Variants in FAM81A observed in about 807,000 individuals in gnomAD.
FAM81A encodes family with sequence similarity 81 member A, also known as protein FAM81A.
Under a neutral mutation model 46.7 loss-of-function variants are expected in FAM81A, and 19 were observed. That is an observed-to-expected ratio of 0.41 (90% CI 0.28 to 0.60). FAM81A has a LOEUF of 0.60. FAM81A is among the 20% of genes least tolerant of loss of function. FAM81A has a pLI of 0.34. For synonymous variants in FAM81A, 183 were observed against 152.9 expected (o/e 1.20, Z -1.45); for missense variants, 377 against 453.5 (o/e 0.83, Z 1.53).
intron 2 of FAM81A, among the ~76,000 whole-genome samples, chr15:59,427,607 G>T (rs1305150515): frequency 6.6e-6 from 1 of 152,026 alleles, no homozygotes; most frequent in African/African-American, 2.4e-5. Context: ...ATCTCCATGA[G>T]TTCAATTGTT....
At chr15:59,401,843 GC>G (rs1332967051) in intron 1 of FAM81A, 17 of 744,068 alleles carry the variant, frequency 2.3e-5, no homozygotes, top group Admixed American at 1.8e-4. Flanking sequence ...TCTCAGCATG[GC>G]CCTGTTTATG....
At chr15:59,448,472 C>G (rs1459711922) in intron 1 of FAM81A, among the ~76,000 whole-genome samples, 2 of 152,020 alleles carry the variant, frequency 1.3e-5, no homozygotes, top group African/African-American at 4.8e-5. Context: ...GGCTTCCAGG[C>G]CCTGGTTGTA....
intron 2 of FAM81A, among the ~76,000 whole-genome samples, chr15:59,420,247 A>G (rs1213449334): frequency 6.6e-6 from 1 of 152,246 alleles, no homozygotes; most frequent in Non-Finnish European, 1.5e-5. Context: ...GGCAATCCCC[A>G]TTATACCCTG....
upstream of FAM81A, among the ~76,000 whole-genome samples, chr15:59,438,008 G>A (rs1257117784): frequency 6.6e-6 from 1 of 151,206 alleles, no homozygotes; most frequent in Admixed American, 6.6e-5. Flanking sequence ...GCGGGTGCGC[G>A]GGGAAAGCCT....
chr15:59,504,497 A>G (rs1394137417), intron 4 of FAM81A, among the ~76,000 whole-genome samples: 1 of 152,230 alleles, frequency 6.6e-6, no homozygotes, highest in African/African-American at 2.4e-5. Flanking sequence ...GTAAGAGTCT[A>G]TAAGAAAGTT....
At chr15:59,501,429 A>G (rs1459223922) in intron 4 of FAM81A, among the ~76,000 whole-genome samples, 4 of 152,188 alleles carry the variant, frequency 2.6e-5, no homozygotes, top group Non-Finnish European at 5.9e-5. Flanking sequence ...TGATGGTACT[A>G]TAATTAAATA....
At chr15:59,485,910 G>A (rs1333959822) in intron 3 of FAM81A, among the ~76,000 whole-genome samples, 2 of 152,054 alleles carry the variant, frequency 1.3e-5, no homozygotes, top group Admixed American at 6.6e-5. Flanking sequence ...CAGGTGCAGC[G>A]GCTCATGCCT....
rs2082245658 is a variant in FAM81A, at chr15:59,514,391, T to C, written c.753T>C (p.Ile251=). The C allele has an allele frequency of 1.2e-6, 2 of 1,613,538 alleles. No individual in the cohort carries two copies. The highest frequency in any genetic ancestry group is 3.3e-5 in the Admixed American group (2 of 59,896). Residue 251 remains isoleucine (I), a synonymous_variant, in exon 7 of 9, where the codon ATT becomes ATC. Coordinates refer to ENST00000288228, the MANE Select transcript of FAM81A (RefSeq NM_152450.3). ...TAGAAAAAGAGCTTTTACAGAAAATTGATCAGCTTTCCTTGATTGTTAAGG... is the reference window on the plus strand; with the variant it reads ...TAGAAAAAGAGCTTTTACAGAAAATCGATCAGCTTTCCTTGATTGTTAAGG... ...ERIEKELLQK[I]DQLSLIVKEN...
At chr15:59,502,020 TA>T (rs1490944329) in intron 4 of FAM81A, among the ~76,000 whole-genome samples, 2 of 151,890 alleles carry the variant, frequency 1.3e-5, no homozygotes, top group African/African-American at 4.8e-5. Flanking sequence ...TATTTTGAAA[TA>T]ATTTTAAATT....
chr15:59,482,035 C>G (rs2081859057), intron 3 of FAM81A, among the ~76,000 whole-genome samples: 1 of 152,100 alleles, frequency 6.6e-6, no homozygotes, highest in Admixed American at 6.5e-5. Context: ...TCTGCTCCCA[C>G]ACATGCGCAG....
intron 3 of FAM81A, among the ~76,000 whole-genome samples, chr15:59,480,301 A>G (rs2081833457): frequency 6.6e-6 from 1 of 152,178 alleles, no homozygotes; most frequent in Admixed American, 6.5e-5. Context: ...TTCCCAATCT[A>G]GGAAGAGTTG....
chr15:59,416,824 T>G (rs551679262), intron 2 of FAM81A, among the ~76,000 whole-genome samples: 2 of 152,338 alleles, frequency 1.3e-5, no homozygotes, highest in South Asian at 4.1e-4. Flanking sequence ...GCTGGAACCA[T>G]TCTATTTTCA....
At chr15:59,433,916 C>T (rs1006194640), upstream of FAM81A, among the ~76,000 whole-genome samples, 45 of 152,146 alleles carry the variant, frequency 3.0e-4, 1 homozygote, top group African/African-American at 8.0e-4. Context: ...AGTACAGTGG[C>T]GCGATCTAGG....
chr15:59,414,697 C>T (rs753361595), intron 2 of FAM81A, among the ~76,000 whole-genome samples: 8 of 152,106 alleles, frequency 5.3e-5, no homozygotes, highest in African/African-American at 7.2e-5. Flanking sequence ...TAAGAGAAAG[C>T]CTCCCCTTGC....
chr15:59,490,763 G>A, intron 3 of FAM81A, among the ~76,000 whole-genome samples: 1 of 152,194 alleles, frequency 6.6e-6, no homozygotes, highest in Non-Finnish European at 1.5e-5. Flanking sequence ...TTGAATCCAG[G>A]AGGTGGAGGT....
intron 1 of FAM81A, among the ~76,000 whole-genome samples, chr15:59,454,073 A>G (rs2081452976): frequency 6.6e-6 from 1 of 152,216 alleles, no homozygotes; most frequent in Non-Finnish European, 1.5e-5. Flanking sequence ...GAGGTGAGTT[A>G]GAGAACAACA....
chr15:59,415,934 G>C (rs2081144830), intron 2 of FAM81A, among the ~76,000 whole-genome samples: 1 of 152,172 alleles, frequency 6.6e-6, no homozygotes, highest in Non-Finnish European at 1.5e-5. Flanking sequence ...AGAATCTCTG[G>C]GAGGGTCACA....
At chr15:59,401,086 T>C in intron 1 of FAM81A, 2 of 558,058 alleles carry the variant, frequency 3.6e-6, no homozygotes, top group Non-Finnish European at 6.6e-6. Context: ...TTTTCCATTT[T>C]AATGTTTGCA....
At chr15:59,487,964 A>G (rs531679503) in intron 3 of FAM81A, among the ~76,000 whole-genome samples, 3 of 152,110 alleles carry the variant, frequency 2.0e-5, no homozygotes, top group Admixed American at 2.0e-4. Flanking sequence ...ACAACAACAA[A>G]AAAACAAAAA....
Sources: allele counts gnomAD v4.1 joint callset (sites outside exome capture counted in the v4.1 genomes callset), GRCh38; gene constraint gnomAD v4.1.1; transcripts MANE v1.5; gene names NCBI Gene and HGNC (gene_info 2026-07-23, HGNC 2026-07-21).